ABCA4: variants seen among roughly 807,000 people sequenced by gnomAD.
ABCA4 encodes the protein retinal-specific phospholipid-transporting ATPase ABCA4.
A neutral mutation model predicts 263.7 loss-of-function variants in ABCA4; 196 were observed. The ratio of observed to expected loss-of-function variants is 0.74; its 90% CI spans 0.66 to 0.84. The LOEUF (loss-of-function observed/expected upper bound fraction) is 0.84. Among genes scored for constraint, ABCA4 ranks in the 40% least tolerant of loss-of-function variants. The probability of loss-of-function intolerance (pLI) is 0.00; values close to 1 mark genes in which losing one functional copy is unlikely to be tolerated. For synonymous variants in ABCA4, 1,133 were observed against 1,094.2 expected (o/e 1.04, Z -0.70); for missense variants, 2,792 against 2,855.1 (o/e 0.98, Z 0.50).
chr1:94,086,445 T>C (rs1033776297), intron 6 of ABCA4, among the ~76,000 whole-genome samples: 30 of 152,204 alleles, frequency 2.0e-4, no homozygotes, highest in Non-Finnish European at 2.5e-4. Context: ...AAAGAAGTGG[T>C]AAATTAATGA....
chr1:94,066,025 T>C (rs1661259220), intron 11 of ABCA4, among the ~76,000 whole-genome samples: 1 of 152,260 alleles, frequency 6.6e-6, no homozygotes, highest in Admixed American at 6.5e-5. Flanking sequence ...GATGTAGGAC[T>C]TAAACAGGTC....
rs781458595 is a variant in ABCA4 at position 94,077,907 on chromosome 1, G to A, written c.1357-20C>T. The A allele has an allele frequency of 3.2e-5, 52 of 1,602,846 alleles. No individual in the cohort carries two copies. The highest frequency in any genetic ancestry group is 4.3e-5 in the Non-Finnish European group (50 of 1,169,808). On this transcript the variant is annotated intron_variant, in intron 10 of 49. Coordinates refer to ENST00000370225, the MANE Select transcript of ABCA4 (RefSeq NM_000350.3). The stretch of plus-strand genomic sequence containing the variant: ...GGTATCCTTGGGAAGAAGAAATACA[G>A]TCACTGCTCTGCTTAGAAATTCCAT...
intron 11 of ABCA4, among the ~76,000 whole-genome samples, chr1:94,076,177 C>T (rs766055778): frequency 6.6e-6 from 1 of 152,216 alleles, no homozygotes; most frequent in Non-Finnish European, 1.5e-5. Flanking sequence ...TGGTGGGCAG[C>T]TGACCCAGGC....
intron 18 of ABCA4, among the ~76,000 whole-genome samples, chr1:94,048,463 C>T (rs1454535986): frequency 1.3e-5 from 2 of 152,182 alleles, no homozygotes; most frequent in African/African-American, 4.8e-5. Flanking sequence ...GTCAGCTCCC[C>T]TGGAGTCTCT....
At chr1:94,003,793 C>T (rs1166950676) in intron 44 of ABCA4, among the ~76,000 whole-genome samples, 3 of 152,082 alleles carry the variant, frequency 2.0e-5, no homozygotes, top group African/African-American at 7.2e-5. Context: ...ACCACCAGGC[C>T]CAGCTAATTT....
intron 31 of ABCA4, among the ~76,000 whole-genome samples, chr1:94,024,142 T>G (rs1225747965): frequency 6.6e-6 from 1 of 152,228 alleles, no homozygotes; most frequent in Non-Finnish European, 1.5e-5. Context: ...ATTAAGTCAA[T>G]TTATCCCTCG....
chr1:94,111,825 G>A (rs1662613013), intron 2 of ABCA4, among the ~76,000 whole-genome samples: 1 of 152,198 alleles, frequency 6.6e-6, no homozygotes, highest in Non-Finnish European at 1.5e-5. Flanking sequence ...GGCATGGGTG[G>A]AAATGTGAAG....
intron 44 of ABCA4, among the ~76,000 whole-genome samples, chr1:94,004,247 C>T (rs945206108): frequency 6.7e-6 from 1 of 149,254 alleles, no homozygotes; most frequent in Non-Finnish European, 1.5e-5. Flanking sequence ...TATAAATATT[C>T]CTGAATTCCC....
intron 48 of ABCA4, among the ~76,000 whole-genome samples, chr1:93,997,169 T>TA (rs1381434952): frequency 6.6e-6 from 1 of 152,188 alleles, no homozygotes; most frequent in East Asian, 1.9e-4. Flanking sequence ...TTTACCGCAA[T>TA]AAAAAATGTG....
intron 6 of ABCA4, among the ~76,000 whole-genome samples, chr1:94,087,001 G>A (rs1241544325): frequency 2.6e-5 from 4 of 152,106 alleles, no homozygotes; most frequent in South Asian, 2.1e-4. Context: ...TGCATGGTGC[G>A]GGCTCATTTC....
chr1:94,077,622 A>G (rs1661570077), intron 11 of ABCA4, 68 bp downstream of exon 11: 1 of 1,438,442 alleles, frequency 7.0e-7, no homozygotes, highest in South Asian at 1.3e-5. Flanking sequence ...TTGACTTGCT[A>G]AGGGAGCTCT....
chr1:94,094,226 G>A (rs964519588), intron 6 of ABCA4, among the ~76,000 whole-genome samples: 1 of 152,170 alleles, frequency 6.6e-6, no homozygotes, highest in Non-Finnish European at 1.5e-5. Flanking sequence ...AATGACCCAG[G>A]AGAGCAGCAA....
Position 94,064,935 on chromosome 1 carries a change from G to A in ABCA4, c.1555-1618C>T, listed in dbSNP as rs184296450. On this transcript the variant is annotated intron_variant, in intron 11 of 49. Transcript: ENST00000370225. ...AGACTATGATCACTGGTAGTGGAGA[G>A]GGGGGAAAGCAAGCAGGAAGACTGG... 6.0e-4 allele frequency among the ~76,000 whole-genome samples: 91 copies of A among 152,174 alleles called. 1 individual carries two copies. Among genetic ancestry groups the A allele is most frequent in the African/African-American group, 2.1e-3 (87 of 41,520 alleles).
chr1:94,066,820 C>T (rs1431471222), intron 11 of ABCA4, among the ~76,000 whole-genome samples: 1 of 152,244 alleles, frequency 6.6e-6, no homozygotes, highest in African/African-American at 2.4e-5. Context: ...GTAGAACTTT[C>T]TGCAGTGATG....
At chr1:94,006,302 C>G (rs1659384863) in intron 43 of ABCA4, among the ~76,000 whole-genome samples, 1 of 152,180 alleles carries the variant, frequency 6.6e-6, no homozygotes, top group Non-Finnish European at 1.5e-5. Context: ...CCAATTAAAA[C>G]TACTCAGGGA....
chr1:94,019,289 G>A (rs1004485978), intron 36 of ABCA4: 18 of 335,018 alleles, frequency 5.4e-5, no homozygotes, highest in Middle Eastern at 9.2e-4. Flanking sequence ...TCATGCCTGC[G>A]GTGCAGTGAT....
intron 13 of ABCA4, 40 bp downstream of exon 13, chr1:94,062,537 T>G: frequency 1.2e-6 from 1 of 811,654 alleles, no homozygotes. Flanking sequence ...AGCACCCCCA[T>G]TAGCGTGTCA....
rs565155 is a variant in ABCA4 at position 94,011,676 on chromosome 1, T to G, written c.5461-291A>C. 0.91 allele frequency among the ~76,000 whole-genome samples: 138,982 copies of G among 152,314 alleles called. 63,878 individuals are homozygous for G. Among genetic ancestry groups the G allele is most frequent in the Non-Finnish European group, 0.96 (65,477 of 68,032 alleles). ...TGCAAGTTTCTAGTGGGCGGGAGCT[T>G]CCCCTTTGTCTAGCCAGGCAGCATC... On this transcript the variant is annotated intron_variant, in intron 38 of 49. Transcript: ENST00000370225.
At chr1:94,078,805 GGAAA>G in intron 9 of ABCA4, 99 bp from the exon 10 acceptor site, 1 of 867,718 alleles carries the variant, frequency 1.2e-6, no homozygotes, top group Non-Finnish European at 2.0e-6. Context: ...TTAGTGTTAG[GGAAA>G]GGCTTTTCAA....
Sources: allele counts gnomAD v4.1 joint callset (sites outside exome capture counted in the v4.1 genomes callset), GRCh38; gene constraint gnomAD v4.1.1; transcripts MANE v1.5; gene names NCBI Gene and HGNC (gene_info 2026-07-23, HGNC 2026-07-21).